ADPRHL1: variants seen among roughly 807,000 people sequenced by gnomAD.
ADPRHL1 encodes ADP-ribosylhydrolase like 1, also known as inactive ADP-ribosyltransferase ARH2.
ADPRHL1 carries 43 observed loss-of-function variants against 44.1 expected under a neutral mutation model. The ratio of observed to expected loss-of-function variants is 0.98; its 90% CI spans 0.76 to 1.26. The LOEUF is 1.26. Among genes scored for constraint, ADPRHL1 ranks in the 50% most tolerant of loss-of-function variants. The probability of loss-of-function intolerance (pLI) is 0.00; values close to 1 mark genes in which losing one functional copy is unlikely to be tolerated. For synonymous variants in ADPRHL1, 878 were observed against 1,017.4 expected, an observed-to-expected ratio of 0.86 and a Z score of 2.61; for missense variants, 2,022 against 2,496.9, an observed-to-expected ratio of 0.81 and a Z score of 4.05.
chr13:113,439,228 T>C (rs2044081172), intron 2 of ADPRHL1, among the ~76,000 whole-genome samples: 1 of 152,036 alleles, frequency 6.6e-6, no homozygotes, highest in Non-Finnish European at 1.5e-5. Flanking sequence ...GTTCAAGTGA[T>C]TCTTGTGCCT....
At chr13:113,451,702 G>A (rs982522921) in intron 1 of ADPRHL1, among the ~76,000 whole-genome samples, 16 of 152,174 alleles carry the variant, frequency 1.1e-4, no homozygotes, top group African/African-American at 3.9e-4. Flanking sequence ...CAGCTACTCA[G>A]GAGGCTGAGG....
At chr13:113,446,093 G>C (rs371640829) in intron 1 of ADPRHL1, among the ~76,000 whole-genome samples, 130 of 146,978 alleles carry the variant, frequency 8.8e-4, no homozygotes, top group African/African-American at 3.1e-3. Context: ...TCCTACCACA[G>C]AGAGAGTACG....
At chr13:113,432,117 A>G (rs12855974) in intron 3 of ADPRHL1, among the ~76,000 whole-genome samples, 21,653 of 143,184 alleles carry the variant, frequency 0.15, 1,671 homozygotes, top group Middle Eastern at 0.26. Flanking sequence ...ATTGTTTTCA[A>G]ATGTCCAGCT....
At position 113,437,367 on chromosome 13, in the gene ADPRHL1, A is replaced by G. The variant is rs112151912; in HGVS notation, c.380-3500T>C. Among the ~76,000 whole-genome samples, 1,345 of 144,486 alleles carry G rather than the reference A, an allele frequency of 9.3e-3. 13 individuals are homozygous for G. The highest frequency in any genetic ancestry group is 0.032 in the African/African-American group (1,247 of 38,698). 94.8% of individuals were successfully genotyped at this position (144,486 alleles called of 152,430 possible). A position where few individuals can be genotyped will look rare whatever the true frequency, so the allele number is the denominator to read the frequency against. On this transcript the variant is annotated intron_variant, in intron 2 of 7. Coordinates refer to ENST00000612156, the MANE Select transcript of ADPRHL1 (RefSeq NM_001394807.1). ...TGAACATAGGTGTACCCCAGGACCC[A>G]GCACCCAGGCGCAGGGTGAACACAG...
intron 7 of ADPRHL1, among the ~76,000 whole-genome samples, chr13:113,411,845 C>T (rs1828679499): frequency 6.6e-6 from 1 of 152,224 alleles, no homozygotes; most frequent in Admixed American, 6.5e-5. Flanking sequence ...TTGCAATCAT[C>T]ATTAACCAAG....
chr13:113,414,350 T>C (rs2043876195), intron 7 of ADPRHL1, among the ~76,000 whole-genome samples: 1 of 152,170 alleles, frequency 6.6e-6, no homozygotes, highest in Non-Finnish European at 1.5e-5. Context: ...GCACTGCCAT[T>C]TCCTGCCCCT....
rs2043781763 is a variant in ADPRHL1 at position 113,403,770 on chromosome 13, A to AC, written c.5511dup (p.Ser1838ValfsTer50). 9 of 1,231,634 alleles carry AC rather than the reference A, an allele frequency of 7.3e-6. No homozygotes were observed. The highest frequency in any genetic ancestry group is 3.1e-4 in the Middle Eastern group (1 of 3,236). 76.3% of individuals were successfully genotyped at this position (1,231,634 alleles called of 1,614,324 possible). A position where few individuals can be genotyped will look rare whatever the true frequency, so the allele number is the denominator to read the frequency against. On this transcript the variant is annotated frameshift_variant, in exon 8 of 8. Transcript: ENST00000612156. LOFTEE classifies it low-confidence loss of function (END_TRUNC). The stretch of plus-strand genomic sequence containing the variant: ...CCATCCCTGGGGGCTGGGCTTCTGG[A>AC]CCCCCCACTCCTGCCAGCAGCATCC...
chr13:113,411,525 G>C lies in ADPRHL1; in HGVS notation c.1062-3305C>G, dbSNP rs72666939. Reference sequence around the variant, plus strand: ...GTCATCAAGACCTGGCCAGCAACCAGCGGTGAGCGTGGAGGACGTACTTGG... The same window carrying C: ...GTCATCAAGACCTGGCCAGCAACCACCGGTGAGCGTGGAGGACGTACTTGG... On this transcript the variant is annotated intron_variant, in intron 7 of 7. Transcript: ENST00000612156. 9.6e-4 allele frequency among the ~76,000 whole-genome samples: 146 copies of C among 152,350 alleles called. 1 individual carries two copies. The highest frequency in any genetic ancestry group is 3.4e-3 in the Middle Eastern group (1 of 294).
chr13:113,434,120 C>T (rs919833429), intron 2 of ADPRHL1, among the ~76,000 whole-genome samples: 1 of 152,202 alleles, frequency 6.6e-6, no homozygotes, highest in African/African-American at 2.4e-5. Flanking sequence ...TGGAGATATG[C>T]TCGTGATTTG....
intron 7 of ADPRHL1, among the ~76,000 whole-genome samples, chr13:113,419,002 T>TCCTC (rs1446944945): frequency 2.9e-5 from 1 of 34,182 alleles, no homozygotes; most frequent in Non-Finnish European, 5.8e-5. Flanking sequence ...CTCCCTCCCT[T>TCCTC]CCTCCCTCCC....
intron 4 of ADPRHL1, among the ~76,000 whole-genome samples, chr13:113,427,396 A>G (rs931071252): frequency 1.3e-5 from 2 of 152,226 alleles, no homozygotes; most frequent in Admixed American, 6.5e-5. Context: ...CCTCAGCTGG[A>G]AAGAACCCGG....
intron 3 of ADPRHL1, 85 bp downstream of exon 3, chr13:113,433,657 A>G: frequency 9.1e-7 from 1 of 1,095,768 alleles, no homozygotes; most frequent in South Asian, 2.2e-5. Context: ...CCCGCCCCCC[A>G]CCCCACACTT....
chr13:113,424,182 C>G, intron 6 of ADPRHL1, 35 bp downstream of exon 6: 1 of 1,610,864 alleles, frequency 6.2e-7, no homozygotes, highest in Non-Finnish European at 8.5e-7. Context: ...GGGTGCTACC[C>G]TCCAGGAAGC....
At position 113,405,105 on chromosome 13, in the gene ADPRHL1, C is replaced by T. The variant is rs1047142633; in HGVS notation, c.4177G>A (p.Gly1393Arg). 4.4e-5 allele frequency: 54 copies of T among 1,232,090 alleles called. No homozygotes were observed. The highest frequency in any genetic ancestry group is 1.6e-4 in the African/African-American group (10 of 64,444). 76.3% of individuals were successfully genotyped at this position (1,232,090 alleles called of 1,614,324 possible). A position where few individuals can be genotyped will look rare whatever the true frequency, so the allele number is the denominator to read the frequency against. ...GGCGCCACCCTCTTCCCCGCATCCC[C>T]GGGCTGGGGGGTCTCCTCCTGTGCC... ...HQAQEETPQP[G>R]DAGKRVAPSG... Residue 1393 changes from glycine to arginine, a missense_variant, in exon 8 of 8, where the codon GGG becomes AGG. Around this residue, in one of 8 missense-constraint regions of ADPRHL1, gnomAD observed 1,221 missense variants for 1,517.8 expected, o/e 0.80. Transcript: ENST00000612156.
At chr13:113,412,469 C>T (rs1001691612) in intron 7 of ADPRHL1, among the ~76,000 whole-genome samples, 1 of 152,266 alleles carries the variant, frequency 6.6e-6, no homozygotes, top group Admixed American at 6.5e-5. Context: ...TGAGCCACCG[C>T]GCCCAGCCAC....
intron 7 of ADPRHL1, among the ~76,000 whole-genome samples, chr13:113,408,748 C>T (rs1031015472): frequency 3.3e-5 from 5 of 151,102 alleles, no homozygotes; most frequent in African/African-American, 1.2e-4. Flanking sequence ...GCAAACCGCT[C>T]AGGCTTGGGG....
At position 113,405,577 on chromosome 13, in the gene ADPRHL1, G is replaced by A. The variant is rs575951269; in HGVS notation, c.3705C>T (p.Ala1235=). The A allele has an allele frequency of 1.2e-4, 143 of 1,232,078 alleles. No individual in the cohort carries two copies. In the African/African-American group the frequency reaches 2.0e-3, roughly 17 times the overall value. 76.3% of individuals were successfully genotyped at this position (1,232,078 alleles called of 1,614,324 possible). Residue 1235 remains alanine (A), a synonymous_variant, in exon 8 of 8, where the codon GCC becomes GCT. Transcript: ENST00000612156. The part of the protein sequence containing the change: ...ARLYISNTSA[A]SRHTAAVGGR... ...CTCCTACAGCTGCTGTATGTCTGCT[G>A]GCTGCTGATGTGTTTGAAATGTATA...
intron 2 of ADPRHL1, among the ~76,000 whole-genome samples, chr13:113,435,469 C>T (rs1198416178): frequency 2.1e-4 from 22 of 104,052 alleles, no homozygotes; most frequent in South Asian, 1.6e-3. Flanking sequence ...AGGTGTACCC[C>T]GGGACCCGGC....
intron 3 of ADPRHL1, among the ~76,000 whole-genome samples, chr13:113,430,032 C>T (rs979851175): frequency 8.5e-5 from 13 of 152,306 alleles, no homozygotes; most frequent in Non-Finnish European, 7.3e-5. Context: ...ATGGAGCCAG[C>T]GGCTTCTGGG....
Sources: allele counts gnomAD v4.1 joint callset (sites outside exome capture counted in the v4.1 genomes callset), GRCh38; gene constraint gnomAD v4.1.1; regional missense constraint gnomAD v4.1.1; transcripts MANE v1.5; gene names NCBI Gene and HGNC (gene_info 2026-07-23, HGNC 2026-07-21).